The following EFCAB7 variants were observed in gnomAD, a reference collection of about 807,000 sequenced individuals.
EFCAB7 encodes the protein EF-hand calcium binding domain 7.
A neutral mutation model predicts 77.1 loss-of-function variants in EFCAB7; 66 were observed. That is an observed-to-expected ratio of 0.86 (90% CI 0.70 to 1.05). The LOEUF is 1.05. Among genes scored for constraint, EFCAB7 ranks in the 50% least tolerant of loss-of-function variants. EFCAB7 has a pLI of 0.00. For missense variants in EFCAB7, 638 were observed against 730.5 expected (o/e 0.87, Z 1.46); for synonymous variants, 225 against 243.3 (o/e 0.92, Z 0.70).
rs376082552 is a variant in EFCAB7 at position 63,557,050 on chromosome 1, A to AC, written c.1215-64_1215-63insC. ...GAGACTCCGTCTCAAAAAAAAAAAAAAAACCCTTCTTCAGCGTAGTTGCCT... is the reference window on the plus strand; with the variant it reads ...GAGACTCCGTCTCAAAAAAAAAAAAACAAACCCTTCTTCAGCGTAGTTGCCT... On this transcript the variant is annotated intron_variant, in intron 9 of 13. Coordinates refer to ENST00000371088, the MANE Select transcript of EFCAB7 (RefSeq NM_032437.4). 4 of 1,393,058 alleles carry AC rather than the reference A, an allele frequency of 2.9e-6. No homozygotes were observed. The African/African-American group carries it at 5.9e-5, about 21-fold the overall frequency. The allele number at this position is 1,393,058 out of a possible 1,614,324, so 86.3% of individuals were successfully genotyped here. A position where few individuals can be genotyped will look rare whatever the true frequency, so the allele number is the denominator to read the frequency against.
chr1:63,576,144 G>C (rs560830892), downstream of EFCAB7, among the ~76,000 whole-genome samples: 2 of 152,180 alleles, frequency 1.3e-5, no homozygotes, highest in African/African-American at 4.8e-5. Flanking sequence ...TTCATGTGGT[G>C]AGGTAATGTG....
intron 12 of EFCAB7, chr1:63,569,519 T>C (rs74572180): frequency 2.7e-5 from 4 of 150,598 alleles, no homozygotes; most frequent in South Asian, 4.2e-4. Flanking sequence ...AACTGTGATA[T>C]GGGATTTGAG....
At chr1:63,551,109 C>T (rs1646959273) in intron 7 of EFCAB7, 1 of 152,198 alleles carries the variant, frequency 6.6e-6, no homozygotes, top group African/African-American at 2.4e-5. Flanking sequence ...GTACTTAAAT[C>T]CTCTTTTTTT....
At position 63,571,122 on chromosome 1, in the gene EFCAB7, T is replaced by G. The variant is rs1394258757; in HGVS notation, c.1809T>G (p.Ser603=). 2.5e-6 allele frequency: 4 copies of G among 1,604,300 alleles called. No individual in the cohort carries two copies. The South Asian group carries it at 4.5e-5, about 18-fold the overall frequency. ...TTGCAGTAGAAGTGGGACCCAAATC[T>G]ACAATGGTAATGTATTATTTTCTAA... is the stretch of plus-strand genomic sequence containing the variant. ...NIFAVEVGPK[S]TMVCQHVMPL... The change falls in exon 13 of 14, where the codon TCT becomes TCG. Residue 603 remains serine, a synonymous_variant. Coordinates refer to ENST00000371088, the MANE Select transcript of EFCAB7 (RefSeq NM_032437.4).
chr1:63,570,694 G>C (rs1467020006), intron 12 of EFCAB7: 1 of 165,284 alleles, frequency 6.1e-6, no homozygotes, highest in African/African-American at 2.4e-5. Context: ...AAAAACTAGA[G>C]ATAACAACAA....
chr1:63,528,351 A>G (rs1646633437), intron 2 of EFCAB7, among the ~76,000 whole-genome samples: 1 of 152,202 alleles, frequency 6.6e-6, no homozygotes, highest in Non-Finnish European at 1.5e-5. Flanking sequence ...AACATCACAC[A>G]TTCTTTCTTA....
At chr1:63,541,599 G>A (rs1261689500) in intron 6 of EFCAB7, among the ~76,000 whole-genome samples, 12 of 151,342 alleles carry the variant, frequency 7.9e-5, no homozygotes, top group African/African-American at 1.5e-4. Context: ...GAGTTTTGCC[G>A]TGTTACCCAG....
intron 4 of EFCAB7, among the ~76,000 whole-genome samples, chr1:63,533,048 T>A: frequency 6.6e-6 from 1 of 152,126 alleles, no homozygotes; most frequent in East Asian, 1.9e-4. Flanking sequence ...ATTAAAATAA[T>A]ATAACCAAGT....
At chr1:63,556,797 C>T (rs911990231) in intron 9 of EFCAB7, among the ~76,000 whole-genome samples, 4 of 150,512 alleles carry the variant, frequency 2.7e-5, no homozygotes, top group South Asian at 4.2e-4. Context: ...CTGAGGCGGG[C>T]GGATCACGAG....
chr1:63,552,221 A>G (rs1646974227), intron 8 of EFCAB7, among the ~76,000 whole-genome samples: 1 of 151,970 alleles, frequency 6.6e-6, no homozygotes, highest in South Asian at 2.1e-4. Flanking sequence ...ACATAACCAG[A>G]CCCTGTCTCT....
At chr1:63,535,978 G>A (rs1175584332) in intron 6 of EFCAB7, among the ~76,000 whole-genome samples, 2 of 152,108 alleles carry the variant, frequency 1.3e-5, no homozygotes, top group Admixed American at 6.5e-5. Context: ...AATGTAATAC[G>A]ATAGGGGCAG....
Position 63,551,863 on chromosome 1 carries a change from T to C in EFCAB7, c.1056+29T>C, listed in dbSNP as rs772094119. On this transcript the variant is annotated intron_variant, in intron 8 of 13. Transcript: ENST00000371088. ...TACATATTTATTTTCTAATGTTTAATTTTTAAATATAGTATGAACTGCAGT... is the reference window on the plus strand; with the variant it reads ...TACATATTTATTTTCTAATGTTTAACTTTTAAATATAGTATGAACTGCAGT... 2.1e-6 allele frequency: 3 copies of C among 1,411,756 alleles called. No individual in the cohort carries two copies. In the East Asian group the frequency reaches 7.7e-5, roughly 36 times the overall value. The allele number at this position is 1,411,756 out of a possible 1,614,324, so 87.5% of individuals were successfully genotyped here.
chr1:63,558,811 G>A (rs1034878808), intron 10 of EFCAB7, among the ~76,000 whole-genome samples: 2 of 151,778 alleles, frequency 1.3e-5, no homozygotes, highest in Non-Finnish European at 2.9e-5. Flanking sequence ...TGCCCAGGCT[G>A]GAGTGCAGTG....
At chr1:63,555,262 T>C (rs1647016975) in intron 8 of EFCAB7, 96 bp from the exon 9 acceptor site, 2 of 1,326,442 alleles carry the variant, frequency 1.5e-6, no homozygotes, top group Middle Eastern at 2.0e-4. Context: ...AAATCATTTC[T>C]AATGTGTCCC....
chr1:63,563,817 A>G (rs1169481647), intron 11 of EFCAB7, among the ~76,000 whole-genome samples: 1 of 152,154 alleles, frequency 6.6e-6, no homozygotes, highest in Non-Finnish European at 1.5e-5. Context: ...TACTGATTAC[A>G]CATTCCCTGT....
chr1:63,555,575 C>T, intron 9 of EFCAB7, 60 bp downstream of exon 9: 1 of 1,450,150 alleles, frequency 6.9e-7, no homozygotes, highest in Non-Finnish European at 9.3e-7. Flanking sequence ...TATTAATAGC[C>T]TGTGTTACTC....
chr1:63,574,753 T>G (rs1236997141), downstream of EFCAB7, among the ~76,000 whole-genome samples: 1 of 152,204 alleles, frequency 6.6e-6, no homozygotes, highest in Non-Finnish European at 1.5e-5. Flanking sequence ...TGAGGAAATT[T>G]CTTTCTGCCC....
intron 6 of EFCAB7, among the ~76,000 whole-genome samples, chr1:63,542,550 C>T (rs1247869914): frequency 2.6e-5 from 4 of 152,174 alleles, no homozygotes; most frequent in Admixed American, 6.5e-5. Context: ...AATGCTTCAC[C>T]ATTTTATGCA....
intron 6 of EFCAB7, among the ~76,000 whole-genome samples, chr1:63,539,263 A>G (rs919844311): frequency 2.6e-5 from 4 of 152,196 alleles, no homozygotes; most frequent in African/African-American, 9.6e-5. Flanking sequence ...TATCTTTTAA[A>G]GCTTAATTTA....
Sources: allele counts gnomAD v4.1 joint callset (sites outside exome capture counted in the v4.1 genomes callset), GRCh38; gene constraint gnomAD v4.1.1; transcripts MANE v1.5; gene names NCBI Gene and HGNC (gene_info 2026-07-23, HGNC 2026-07-21).